The following SLCO1A2 variants were observed in gnomAD, a reference collection of about 807,000 sequenced individuals.
SLCO1A2 encodes solute carrier organic anion transporter family member 1A2.
A neutral mutation model predicts 69.0 loss-of-function variants in SLCO1A2; 67 were observed. That is an observed-to-expected ratio of 0.97 (90% CI 0.80 to 1.19). The LOEUF (loss-of-function observed/expected upper bound fraction) is 1.19, where lower values mean the gene tolerates loss of function less well. Among genes scored for constraint, SLCO1A2 ranks in the 50% most tolerant of loss-of-function variants. The pLI is 0.00. For missense variants in SLCO1A2, 787 were observed against 793.7 expected (o/e 0.99, Z 0.10); for synonymous variants, 260 against 265.9 (o/e 0.98, Z 0.22).
chr12:21,378,417 GC>G (rs1433367168), intron 1 of SLCO1A2: 1 of 1,612,946 alleles, frequency 6.2e-7, no homozygotes, highest in Non-Finnish European at 8.5e-7. Context: ...TGAATTACTT[GC>G]CCCTTTAGAG....
intron 2 of SLCO1A2, among the ~76,000 whole-genome samples, chr12:21,357,610 A>G (rs996699939): frequency 1.3e-5 from 2 of 152,194 alleles, no homozygotes; most frequent in Non-Finnish European, 2.9e-5. Flanking sequence ...AGCGTCCAAT[A>G]GATGCTCTAA....
At chr12:21,357,229 G>C (rs1405003713) in intron 2 of SLCO1A2, among the ~76,000 whole-genome samples, 1 of 152,114 alleles carries the variant, frequency 6.6e-6, no homozygotes, top group Non-Finnish European at 1.5e-5. Flanking sequence ...GTCATACTGA[G>C]ATACTTTGAG....
intron 1 of SLCO1A2, among the ~76,000 whole-genome samples, chr12:21,384,214 A>G (rs1262563296): frequency 2.0e-5 from 3 of 152,070 alleles, no homozygotes; most frequent in Non-Finnish European, 4.4e-5. Flanking sequence ...GACAGAGAAG[A>G]AAAAAAAGTC....
At chr12:21,292,628 C>A (rs540501046) in intron 11 of SLCO1A2, among the ~76,000 whole-genome samples, 1 of 152,114 alleles carries the variant, frequency 6.6e-6, no homozygotes, top group East Asian at 1.9e-4. Flanking sequence ...CAGAGACTCA[C>A]CCTGTCGCCC....
intron 8 of SLCO1A2, among the ~76,000 whole-genome samples, chr12:21,299,890 GTATA>G (rs35059155): frequency 2.9e-4 from 41 of 141,240 alleles, no homozygotes; most frequent in African/African-American, 5.3e-4. Context: ...ATATATACGT[GTATA>G]TATATATATA....
chr12:21,339,270 T>C (rs557749292), upstream of SLCO1A2, among the ~76,000 whole-genome samples: 1 of 152,004 alleles, frequency 6.6e-6, no homozygotes, highest in East Asian at 1.9e-4. Flanking sequence ...TTGGGAGAGA[T>C]AGATAGTTAA....
intron 2 of SLCO1A2, among the ~76,000 whole-genome samples, chr12:21,362,064 G>A (rs893075343): frequency 2.0e-5 from 3 of 152,078 alleles, no homozygotes; most frequent in East Asian, 1.9e-4. Flanking sequence ...GATACTCCTC[G>A]AGAAGAGAAA....
intron 2 of SLCO1A2, among the ~76,000 whole-genome samples, chr12:21,366,123 A>G (rs1939357078): frequency 6.6e-6 from 1 of 152,214 alleles, no homozygotes; most frequent in Non-Finnish European, 1.5e-5. Context: ...AGCACTATTC[A>G]CAACAGCAAA....
chr12:21,295,782 G>A lies in SLCO1A2; in HGVS notation c.1086C>T (p.Asn362=). 1 of 1,482,328 alleles carries A rather than the reference G, an allele frequency of 6.7e-7. No homozygotes were observed. 91.8% of individuals were successfully genotyped at this position (1,482,328 alleles called of 1,614,324 possible). ...TATATCCAATACATATTGGAGGTAA[G>A]TTATAAATACCTATAAATGCAAATA... is the stretch of plus-strand genomic sequence containing the variant. The part of the protein sequence containing the change: ...SDAIFLMGIY[N]LPPICIGYII... The change falls in exon 10 of 15, where the codon AAC becomes AAT. Residue 362 remains asparagine, a synonymous_variant. Transcript: ENST00000683939.
chr12:21,351,267 T>C (rs1937929083), intron 2 of SLCO1A2, among the ~76,000 whole-genome samples: 1 of 152,176 alleles, frequency 6.6e-6, no homozygotes, highest in Non-Finnish European at 1.5e-5. Flanking sequence ...CAAAGTTCAA[T>C]GTTTGCTTGG....
At chr12:21,404,131 T>A (rs958049507) in intron 1 of SLCO1A2, among the ~76,000 whole-genome samples, 1 of 152,170 alleles carries the variant, frequency 6.6e-6, no homozygotes, top group Non-Finnish European at 1.5e-5. Context: ...ACTTTCTAGC[T>A]GGATGGGATG....
intron 2 of SLCO1A2, among the ~76,000 whole-genome samples, chr12:21,332,609 A>G (rs2136949748): frequency 6.6e-6 from 1 of 152,210 alleles, no homozygotes; most frequent in Admixed American, 6.6e-5. Context: ...AGGTCCATTC[A>G]GTGCTGGGAG....
chr12:21,369,641 G>A (rs1591890534), intron 2 of SLCO1A2, among the ~76,000 whole-genome samples: 1 of 152,192 alleles, frequency 6.6e-6, no homozygotes, highest in African/African-American at 2.4e-5. Flanking sequence ...TTCTCCAACT[G>A]TAGTGTGTAT....
intron 2 of SLCO1A2, among the ~76,000 whole-genome samples, chr12:21,364,163 A>G (rs1206059340): frequency 2.0e-5 from 3 of 152,188 alleles, no homozygotes; most frequent in South Asian, 4.1e-4. Context: ...ATACTGGCAA[A>G]CCGAATCCAG....
At chr12:21,390,242 T>C (rs921268634) in intron 1 of SLCO1A2, among the ~76,000 whole-genome samples, 1 of 152,038 alleles carries the variant, frequency 6.6e-6, no homozygotes, top group Admixed American at 6.6e-5. Context: ...TCAGGAGGCA[T>C]CTGACCATAT....
rs145461109 is a variant in SLCO1A2 at position 21,356,830 on chromosome 12, T to C, written c.-63+17569A>G. Among the ~76,000 whole-genome samples, 169 of 152,304 alleles carry C rather than the reference T, an allele frequency of 1.1e-3. 2 individuals carry two copies. Among genetic ancestry groups the C allele is most frequent in the Admixed American group, 5.9e-4 (9 of 15,298 alleles). On this transcript the variant is annotated intron_variant, in intron 2 of 15. Coordinates refer to the SLCO1A2 transcript ENST00000307378. ...TGTAAGACTTAAATTACATTTTTAATAAAGTAGATTGTATGGAGATCTATA... is the reference window on the plus strand; with the variant it reads ...TGTAAGACTTAAATTACATTTTTAACAAAGTAGATTGTATGGAGATCTATA...
intron 2 of SLCO1A2, among the ~76,000 whole-genome samples, chr12:21,343,011 A>C (rs950225372): frequency 6.6e-6 from 1 of 152,112 alleles, no homozygotes; most frequent in African/African-American, 2.4e-5. Flanking sequence ...CCAGGTGGGT[A>C]TGTCCTGTGG....
At chr12:21,271,801 ATATG>A (rs1267488665) in intron 14 of SLCO1A2, among the ~76,000 whole-genome samples, 1 of 148,228 alleles carries the variant, frequency 6.7e-6, no homozygotes, top group East Asian at 2.0e-4. Context: ...ATGTAAATAA[ATATG>A]TATATATGTA....
Position 21,334,717 on chromosome 12 carries a change from G to T in SLCO1A2, c.-62-8C>A. On this transcript the variant is annotated splice_polypyrimidine_tract_variant and splice_region_variant and intron_variant, in intron 1 of 14. Coordinates refer to ENST00000683939, the MANE Select transcript of SLCO1A2 (RefSeq NM_001386879.1). ...ATATGTCTTACTTCTACCCTTTCAAGCAAACAAAAAAATATGTTAAATTAA... is the reference window on the plus strand; with the variant it reads ...ATATGTCTTACTTCTACCCTTTCAATCAAACAAAAAAATATGTTAAATTAA... 3 of 1,258,318 alleles carry T rather than the reference G, an allele frequency of 2.4e-6. No homozygotes were observed. The highest frequency in any genetic ancestry group is 3.3e-6 in the Non-Finnish European group (3 of 900,774). The allele number at this position is 1,258,318 out of a possible 1,614,324, so 77.9% of individuals were successfully genotyped here.
Sources: gnomAD v4.1 joint callset for allele counts (sites outside exome capture counted in the v4.1 genomes callset) on GRCh38, gnomAD v4.1.1 for gene constraint, MANE v1.5 for transcripts, NCBI Gene and HGNC (gene_info 2026-07-23, HGNC 2026-07-21) for gene names.